FANCG: variants seen among roughly 807,000 people sequenced by gnomAD.
The protein encoded by FANCG is FA complementation group G.
In FANCG, 67 loss-of-function variants were observed where a neutral mutation model predicts 73.3. The ratio of observed to expected loss-of-function variants is 0.91; its 90% CI spans 0.75 to 1.12. The LOEUF (loss-of-function observed/expected upper bound fraction) is 1.12, where lower values mean the gene tolerates loss of function less well. FANCG is among the 50% of genes most tolerant of loss of function. The pLI is 0.00. For synonymous variants in FANCG, 297 were observed against 311.6 expected (o/e 0.95, Z 0.49); for missense variants, 643 against 735.6 (o/e 0.87, Z 1.46).
rs761607613 is a variant in FANCG, at chr9:35,076,596, G to GA, written c.925-14dup. Reference sequence around the variant, plus strand: ...GGACATTCAAGGCCTAAAAGAGAAAGAAAAAAATTGTATCTATAATCTTTG... The same window carrying GA: ...GGACATTCAAGGCCTAAAAGAGAAAGAAAAAAAATTGTATCTATAATCTTTG... On this transcript the variant is annotated splice_polypyrimidine_tract_variant and intron_variant, in intron 7 of 13. Coordinates refer to ENST00000378643, the MANE Select transcript of FANCG (RefSeq NM_004629.2). The GA allele has an allele frequency of 1.2e-5, 19 of 1,613,874 alleles. No individual in the cohort carries two copies. The highest frequency in any genetic ancestry group is 5.3e-5 in the African/African-American group (4 of 74,864).
In FANCG at chr9:35,074,982, G is replaced by T. The variant is rs768671803; in HGVS notation, c.1581C>A (p.Ser527Arg). 4 of 1,614,186 alleles carry T rather than the reference G, an allele frequency of 2.5e-6. No individual in the cohort carries two copies. The highest frequency in any genetic ancestry group is 3.4e-6 in the Non-Finnish European group (4 of 1,180,028). ...LISRGLEWVA[S>R]GQDTKALQDF... ...CCTGTAAGGCTTTGGTATCCTGGCC[G>T]CTGGCTACCCATTCCAGTCCACGAC... The change falls in exon 12 of 14, where the codon AGC becomes AGA. Residue 527 changes from serine to arginine, a missense_variant. Ser to Arg is a moderately radical substitution (Grantham distance 110, BLOSUM62 -1). Transcript: ENST00000378643.
rs1350532745 is a variant in FANCG at position 35,077,031 on chromosome 9, C to G, written c.717G>C (p.Leu239=). The G allele has an allele frequency of 6.2e-7, 1 of 1,614,150 alleles. No individual in the cohort carries two copies. Residue 239 remains leucine, a synonymous_variant, in exon 6 of 14, where the codon CTG becomes CTC. Coordinates refer to ENST00000378643, the MANE Select transcript of FANCG (RefSeq NM_004629.2). The part of the protein sequence containing the change: ...LSSLHEAASG[L]CPRPVLVQVY... ...CCTGGACCAACACAGGCCGTGGACA[C>G]AGGCCTGAGGCCGCTTCATGAAGGC...
At chr9:35,075,787 G>A in intron 9 of FANCG, 33 bp from the exon 10 acceptor site, 2 of 1,587,172 alleles carry the variant, frequency 1.3e-6, no homozygotes, top group Non-Finnish European at 1.7e-6. Context: ...TGTCTTGAAA[G>A]GCATGAGCCA....
intron 2 of FANCG, 98 bp downstream of exon 2, chr9:35,079,053 C>T: frequency 9.3e-7 from 1 of 1,069,746 alleles, no homozygotes; most frequent in Non-Finnish European, 1.4e-6. Flanking sequence ...ACAGGACTCC[C>T]TGCCCCGAGT....
intron 3 of FANCG, 121 bp from the exon 4 acceptor site, chr9:35,078,464 C>G: frequency 6.6e-7 from 1 of 1,521,190 alleles, no homozygotes; most frequent in Non-Finnish European, 9.1e-7. Flanking sequence ...ATAATAATAC[C>G]TCAACCTGGT....
Position 35,079,433 on chromosome 9 carries a change from C to T in FANCG, c.84+8G>A. The T allele has an allele frequency of 1.9e-6, 3 of 1,614,076 alleles. No homozygotes were observed. The highest frequency in any genetic ancestry group is 1.6e-4 in the Middle Eastern group (1 of 6,062). On this transcript the variant is annotated splice_region_variant and intron_variant, in intron 1 of 13. Coordinates refer to ENST00000378643, the MANE Select transcript of FANCG (RefSeq NM_004629.2). ...GCTGCAAACCGAGGGTGCCAGCAAC[C>T]GTGTTACCTTGGCCTGTCGAACGAG...
intron 10 of FANCG, 34 bp downstream of exon 10, chr9:35,075,429 CAT>C: frequency 6.2e-7 from 1 of 1,614,052 alleles, no homozygotes; most frequent in East Asian, 2.2e-5. Flanking sequence ...ATCAGAAAAT[CAT>C]CCCTCCACAC....
rs781269744 is a variant in FANCG at position 35,075,276 on chromosome 9, C to G, written c.1480+3G>C. 1.2e-6 allele frequency: 2 copies of G among 1,613,992 alleles called. No homozygotes were observed. Among genetic ancestry groups the G allele is most frequent in the African/African-American group, 2.7e-5 (2 of 74,914 alleles). On this transcript the variant is annotated splice_donor_region_variant and intron_variant, in intron 11 of 13. Transcript: ENST00000378643. ...TAAGAGGAAAACTGAAAGTTTAGAT[C>G]ACCTTGTTCTTTTTCCTCAGGTGTG...
chr9:35,075,215 A>G, intron 11 of FANCG, 64 bp downstream of exon 11: 1 of 1,607,260 alleles, frequency 6.2e-7, no homozygotes, highest in Non-Finnish European at 8.5e-7. Flanking sequence ...GACACATTAA[A>G]GGGAACCCAC....
intron 8 of FANCG, 104 bp from the exon 9 acceptor site, chr9:35,076,132 CT>C (rs1563986135): frequency 8.2e-7 from 1 of 1,221,082 alleles, no homozygotes; most frequent in East Asian, 2.3e-5. Flanking sequence ...TTCATGGGCC[CT>C]GAGGAGGAGA....
chr9:35,079,486 C>G lies in FANCG; in HGVS notation c.39G>C (p.Leu13=), dbSNP rs758976992. 1 of 1,614,170 alleles carries G rather than the reference C, an allele frequency of 6.2e-7. No homozygotes were observed. The highest frequency in any genetic ancestry group is 1.1e-5 in the South Asian group (1 of 91,088). ...GGTCATTCTTTTCCCTCCACAGGTC[C>G]AGGCAGCTGGAGCCCACAGAGGTGG... ...RQTTSVGSSC[L]DLWREKNDRL... is the part of the protein sequence containing the mutation. Residue 13 remains leucine (L), a synonymous_variant, in exon 1 of 14, where the codon CTG becomes CTC. Transcript: ENST00000378643.
rs762631021 is a variant in FANCG, at chr9:35,075,499, C to G, written c.1399G>C (p.Gly467Arg). The G allele has an allele frequency of 1.2e-6, 2 of 1,614,134 alleles. No homozygotes were observed. Among genetic ancestry groups the G allele is most frequent in the South Asian group, 2.2e-5 (2 of 91,086 alleles). Reference protein sequence around the residue: ...LLQGQAWVQLGAQKVAISEFS... With the variant: ...LLQGQAWVQLRAQKVAISEFS... The stretch of plus-strand genomic sequence containing the variant: ...TCACTAATTGCCACTTTTTGGGCAC[C>G]CAGTTGAACCCAGGCCTGGCCCTGA... The change falls in exon 10 of 14, where the codon GGT becomes CGT. Residue 467 changes from glycine to arginine, a missense_variant. Gly to Arg is a moderately radical substitution (Grantham distance 125). Transcript: ENST00000378643.
Position 35,074,556 on chromosome 9 carries a change from T to C in FANCG, c.1637-62A>G, listed in dbSNP as rs1829045360. 3.1e-6 allele frequency: 5 copies of C among 1,610,084 alleles called. No individual in the cohort carries two copies. In the East Asian group the frequency reaches 1.1e-4, roughly 36 times the overall value. On this transcript the variant is annotated intron_variant, in intron 12 of 13. Transcript: ENST00000378643. ...TGACATAGTCTTAGGCATTGTTTTA[T>C]AAAAAGGGAAACTGAGGCCTAGAGA...
chr9:35,074,752 G>A (rs1370516114), intron 12 of FANCG, 175 bp downstream of exon 12: 2 of 902,256 alleles, frequency 2.2e-6, no homozygotes, highest in Non-Finnish European at 3.5e-6. Context: ...TGGGAGCCCT[G>A]CATACACACT....
In FANCG at chr9:35,077,075, G is replaced by A. The variant is rs1225047304; in HGVS notation, c.673C>T (p.Pro225Ser). Reference sequence around the variant, plus strand: ...TGAAGGCTGCTTAGTGCCTTGTCTGGGTTCCCTGTGATCAGCTCCTGGAGA... The same window carrying A: ...TGAAGGCTGCTTAGTGCCTTGTCTGAGTTCCCTGTGATCAGCTCCTGGAGA... Reference protein sequence around the residue: ...QGLQELITGNPDKALSSLHEA... With the variant: ...QGLQELITGNSDKALSSLHEA... The change falls in exon 6 of 14, where the codon CCA (proline) becomes TCA (serine). Residue 225 changes from proline (P) to serine (S), a missense_variant. Physicochemically the swap from Pro to Ser is moderately conservative, Grantham distance 74 (BLOSUM62 -1). Coordinates refer to ENST00000378643, the MANE Select transcript of FANCG (RefSeq NM_004629.2). 6.2e-7 allele frequency: 1 copy of A among 1,614,060 alleles called. No individual in the cohort carries two copies. Among genetic ancestry groups the A allele is most frequent in the African/African-American group, 1.3e-5 (1 of 74,922 alleles).
chr9:35,078,672 C>T lies in FANCG; in HGVS notation c.240G>A (p.Leu80=), dbSNP rs1221719766. 1 of 1,614,154 alleles carries T rather than the reference C, an allele frequency of 6.2e-7. No homozygotes were observed. Among genetic ancestry groups the T allele is most frequent in the South Asian group, 1.1e-5 (1 of 91,076 alleles). The change falls in exon 3 of 14, where the codon CTG becomes CTA. Residue 80 remains leucine (L), a synonymous_variant. Transcript: ENST00000378643. Reference sequence around the variant, plus strand: ...TGAAACCCTGGGCCAAGCTTGCCCTCAGGATAATGAAGTTGCAGGTGACAG... The same window carrying T: ...TGAAACCCTGGGCCAAGCTTGCCCTTAGGATAATGAAGTTGCAGGTGACAG... ...ELTVTCNFII[L]RASLAQGFTE... is the part of the protein sequence containing the mutation.
At position 35,074,190 on chromosome 9, in the gene FANCG, T is replaced by C. The variant is rs2131051269; in HGVS notation, c.1787A>G (p.Tyr596Cys). Residue 596 changes from tyrosine to cysteine, a missense_variant, in exon 14 of 14, where the codon TAT becomes TGT. By Grantham distance (194) the Tyr-to-Cys change is radical. Coordinates refer to ENST00000378643, the MANE Select transcript of FANCG (RefSeq NM_004629.2). ...ATCAGAGGGACGGATCCAGCTCAAATAGCTTTCTAGGTACAGGGGGAGAGA... is the reference window on the plus strand; with the variant it reads ...ATCAGAGGGACGGATCCAGCTCAAACAGCTTTCTAGGTACAGGGGGAGAGA... Reference protein sequence around the residue: ...LWSLPLYLESYLSWIRPSDRD... With the variant: ...LWSLPLYLESCLSWIRPSDRD... The C allele has an allele frequency of 1.9e-6, 3 of 1,614,168 alleles. No individual in the cohort carries two copies. Among genetic ancestry groups the C allele is most frequent in the Non-Finnish European group, 2.5e-6 (3 of 1,180,016 alleles).
In FANCG at chr9:35,076,257, TA is replaced by T. The variant is rs57412508; in HGVS notation, c.1076+174del. On this transcript the variant is annotated intron_variant, in intron 8 of 13. Coordinates refer to ENST00000378643, the MANE Select transcript of FANCG (RefSeq NM_004629.2). ...TCAAAGATAGAGAAGGTTAATGTCT[TA>T]GAGAAGAGTCCTCAGTTCAGGTCTA... 4.1e-4 allele frequency: 333 copies of T among 812,476 alleles called. 1 individual carries two copies. The African/African-American group carries it at 4.6e-3, about 11-fold the overall frequency. The allele number at this position is 812,476 out of a possible 1,614,324, so 50.3% of individuals were successfully genotyped here. A position where few individuals can be genotyped will look rare whatever the true frequency, so the allele number is the denominator to read the frequency against.
chr9:35,074,842 T>A, intron 12 of FANCG, 85 bp downstream of exon 12: 2 of 1,549,938 alleles, frequency 1.3e-6, no homozygotes, highest in South Asian at 1.1e-5. Flanking sequence ...AGAACACCAC[T>A]CTTACACTTA....
Sources: allele counts gnomAD v4.1 joint callset, GRCh38; gene constraint gnomAD v4.1.1; transcripts MANE v1.5; gene names NCBI Gene and HGNC (gene_info 2026-07-23, HGNC 2026-07-21).